DNAH9: variants seen among roughly 807,000 people sequenced by gnomAD.
The protein encoded by DNAH9 is dynein axonemal heavy chain 9, also known as DNAH9 variant protein.
Under a neutral mutation model 471.6 loss-of-function variants are expected in DNAH9, and 345 were observed. The observed-to-expected ratio is 0.73, with a 90% CI of 0.67 to 0.80. DNAH9 has a LOEUF of 0.80. DNAH9 is among the 30% of genes least tolerant of loss of function. The probability of loss-of-function intolerance (pLI) is 0.00; values close to 1 mark genes in which losing one functional copy is unlikely to be tolerated. For synonymous variants in DNAH9, 2,093 were observed against 2,123.6 expected (o/e 0.99, Z 0.40); for missense variants, 5,407 against 5,609.2 (o/e 0.96, Z 1.15).
At chr17:11,663,388 C>G (rs2073810253) in intron 14 of DNAH9, among the ~76,000 whole-genome samples, 1 of 152,222 alleles carries the variant, frequency 6.6e-6, no homozygotes, top group Non-Finnish European at 1.5e-5. Flanking sequence ...CTAAGCTCCA[C>G]TAACCTATGC....
At chr17:11,661,570 A>G (rs1003697174) in intron 14 of DNAH9, among the ~76,000 whole-genome samples, 1 of 151,966 alleles carries the variant, frequency 6.6e-6, no homozygotes, top group African/African-American at 2.4e-5. Context: ...TAATTTCTCA[A>G]TTGGCATTTC....
chr17:11,819,458 C>T (rs1970231741), intron 45 of DNAH9, among the ~76,000 whole-genome samples: 4 of 151,950 alleles, frequency 2.6e-5, no homozygotes, highest in South Asian at 2.1e-4. Flanking sequence ...TGCTCTGAAG[C>T]GCAGGCTGGA....
At chr17:11,752,763 G>T (rs1877279978) in intron 32 of DNAH9, 70 bp from the exon 33 acceptor site, 4 of 1,355,102 alleles carry the variant, frequency 3.0e-6, no homozygotes, top group Non-Finnish European at 4.0e-6. Flanking sequence ...AGCTAAAGGG[G>T]GAAAGCTGTG....
intron 44 of DNAH9, among the ~76,000 whole-genome samples, chr17:11,809,234 A>AT: frequency 6.6e-6 from 1 of 152,028 alleles, no homozygotes; most frequent in East Asian, 1.9e-4. Flanking sequence ...GCCCCAGTAT[A>AT]TTTTTTTCAA....
At chr17:11,781,978 C>A (rs1167815734) in intron 39 of DNAH9, among the ~76,000 whole-genome samples, 15 of 149,966 alleles carry the variant, frequency 1.0e-4, no homozygotes, top group Admixed American at 2.0e-4. Flanking sequence ...TGGCAAAAGT[C>A]TGAACTTACT....
chr17:11,646,996 A>G, intron 11 of DNAH9, 76 bp from the exon 12 acceptor site: 1 of 1,499,238 alleles, frequency 6.7e-7, no homozygotes, highest in Non-Finnish European at 9.1e-7. Flanking sequence ...TCTTCAATTT[A>G]TGTTACAGAT....
rs1380585441 is a variant in DNAH9 at position 11,763,467 on chromosome 17, G to T, written c.7023G>T (p.Glu2341Asp). Reference sequence around the variant, plus strand: ...TTAAGAAGATCATTCCCATCCCAGAGCAGAGCATGGTTCAGATGGTGTGTC... The same window carrying T: ...TTAAGAAGATCATTCCCATCCCAGATCAGAGCATGGTTCAGATGGTGTGTC... Reference protein sequence around the residue: ...TRFKKIIPIPEQSMVQMVCHL... With the variant: ...TRFKKIIPIPDQSMVQMVCHL... Residue 2341 changes from glutamate to aspartate, a missense_variant, in exon 36 of 69, where the codon GAG (glutamate) becomes GAT (aspartate). Glu to Asp is a conservative substitution (Grantham distance 45). Transcript: ENST00000262442. 3.7e-6 allele frequency: 6 copies of T among 1,614,178 alleles called. No homozygotes were observed. Among genetic ancestry groups the T allele is most frequent in the Non-Finnish European group, 5.1e-6 (6 of 1,180,014 alleles).
chr17:11,780,603 A>G (rs897815338), intron 38 of DNAH9, among the ~76,000 whole-genome samples: 1 of 152,228 alleles, frequency 6.6e-6, no homozygotes, highest in African/African-American at 2.4e-5. Flanking sequence ...CAAGTATGAC[A>G]GAAGAAGCAT....
chr17:11,859,402 A>T (rs1168815300), intron 50 of DNAH9, among the ~76,000 whole-genome samples: 2 of 90,480 alleles, frequency 2.2e-5, no homozygotes, highest in Non-Finnish European at 2.3e-5. Context: ...ACAGAGCGAG[A>T]CTCCGTCTCA....
chr17:11,612,171 A>G (rs1331327555), intron 4 of DNAH9: 15 of 465,304 alleles, frequency 3.2e-5, no homozygotes, highest in South Asian at 2.6e-5. Context: ...CAGGACATAC[A>G]GTTCTGGGGT....
At chr17:11,704,864 G>A (rs1408208715) in intron 25 of DNAH9, among the ~76,000 whole-genome samples, 161 bp from the exon 26 acceptor site, 1 of 152,114 alleles carries the variant, frequency 6.6e-6, no homozygotes, top group Non-Finnish European at 1.5e-5. Context: ...ATAGAACCCT[G>A]TAATCAGAGC....
chr17:11,829,750 G>A (rs1970623999), intron 48 of DNAH9, among the ~76,000 whole-genome samples: 4 of 152,196 alleles, frequency 2.6e-5, no homozygotes, highest in African/African-American at 9.7e-5. Flanking sequence ...TGGGATTACA[G>A]GCATGAGCCA....
intron 29 of DNAH9, among the ~76,000 whole-genome samples, chr17:11,741,779 A>G (rs182910997): frequency 7.2e-5 from 11 of 152,226 alleles, no homozygotes; most frequent in African/African-American, 2.6e-4. Flanking sequence ...ACCCAGAGAA[A>G]CTCAATTCCT....
chr17:11,967,657 AC>A (rs1443752523), intron 68 of DNAH9, among the ~76,000 whole-genome samples: 1 of 152,188 alleles, frequency 6.6e-6, no homozygotes, highest in Non-Finnish European at 1.5e-5. Flanking sequence ...ATTTTAAAAA[AC>A]AAACCATGAA....
At chr17:11,745,522 A>T (rs992496387) in intron 31 of DNAH9, among the ~76,000 whole-genome samples, 8 of 152,318 alleles carry the variant, frequency 5.3e-5, no homozygotes, top group African/African-American at 1.4e-4. Context: ...ACAGCTCCTT[A>T]TTTAACCTTG....
At chr17:11,705,973 C>T (rs905288274) in intron 26 of DNAH9, among the ~76,000 whole-genome samples, 1 of 152,102 alleles carries the variant, frequency 6.6e-6, no homozygotes, top group Non-Finnish European at 1.5e-5. Flanking sequence ...TGTTATACTG[C>T]ACAAAGATTA....
At chr17:11,771,785 C>CTAA (rs1174415440) in intron 38 of DNAH9, among the ~76,000 whole-genome samples, 1 of 152,202 alleles carries the variant, frequency 6.6e-6, no homozygotes, top group Non-Finnish European at 1.5e-5. Flanking sequence ...TACACTACTA[C>CTAA]TACTAATAAT....
Position 11,793,659 on chromosome 17 carries a change from T to A in DNAH9, c.8218T>A (p.Phe2740Ile). 1 of 1,609,998 alleles carries A rather than the reference T, an allele frequency of 6.2e-7. No individual in the cohort carries two copies. The change falls in exon 42 of 69, where the codon TTT becomes ATT. Residue 2740 changes from phenylalanine (F) to isoleucine (I), a missense_variant. Coordinates refer to ENST00000262442, the MANE Select transcript of DNAH9 (RefSeq NM_001372.4). The part of the protein sequence containing the change: ...KIQTEVLKKT[F>I]DDIEDPVEQT... ...CCAGACAGAAGTGCTCAAGAAAACT[T>A]TTGATGTGAGTATTGCCCTATGGAT... is the stretch of plus-strand genomic sequence containing the variant.
intron 6 of DNAH9, among the ~76,000 whole-genome samples, chr17:11,622,968 C>CTTTTTTTTTTTTTTTTT (rs10551080): frequency 9.5e-6 from 1 of 105,386 alleles, no homozygotes; most frequent in Non-Finnish European, 1.9e-5. Flanking sequence ...TTTTCTTTTT[C>CTTTTTTTTTTTTTTTTT]TTTTTTTTTT....
Sources: gnomAD v4.1 joint callset for allele counts (sites outside exome capture counted in the v4.1 genomes callset) on GRCh38, gnomAD v4.1.1 for gene constraint, MANE v1.5 for transcripts, NCBI Gene and HGNC (gene_info 2026-07-23, HGNC 2026-07-21) for gene names.